Variants in PPP2R2B observed in about 807,000 individuals in gnomAD.
PPP2R2B encodes protein phosphatase 2 regulatory subunit Bbeta, also known as serine/threonine-protein phosphatase 2A 55 kDa regulatory subunit B beta isoform.
In PPP2R2B, 5 loss-of-function variants were observed where a neutral mutation model predicts 46.0. That is an observed-to-expected ratio of 0.11 (90% CI 0.06 to 0.23). PPP2R2B has a LOEUF of 0.23. PPP2R2B is among the 10% of genes least tolerant of loss of function. PPP2R2B has a pLI of 1.00. For synonymous variants in PPP2R2B, 215 were observed against 206.7 expected (o/e 1.04, Z -0.34); for missense variants, 367 against 575.0 (o/e 0.64, Z 3.70).
At chr5:146,597,590 G>A (rs747381440) in intron 8 of PPP2R2B, among the ~76,000 whole-genome samples, 1 of 152,078 alleles carries the variant, frequency 6.6e-6, no homozygotes, top group Non-Finnish European at 1.5e-5. Flanking sequence ...TTGTTTACCT[G>A]TACCAAGCAG....
intron 1 of PPP2R2B, among the ~76,000 whole-genome samples, chr5:146,963,641 T>C (rs1370031712): frequency 6.6e-6 from 1 of 152,188 alleles, no homozygotes; most frequent in Non-Finnish European, 1.5e-5. Context: ...TCATTTTTTT[T>C]CCCATAGATA....
At chr5:146,958,135 C>T (rs934165650) in intron 1 of PPP2R2B, among the ~76,000 whole-genome samples, 5 of 151,966 alleles carry the variant, frequency 3.3e-5, no homozygotes, top group East Asian at 1.9e-4. Flanking sequence ...GATACAGCAA[C>T]GAGCAGACAT....
chr5:146,822,535 G>GTTTT (rs368081191), intron 2 of PPP2R2B, among the ~76,000 whole-genome samples: 6 of 125,290 alleles, frequency 4.8e-5, no homozygotes, highest in African/African-American at 1.8e-4. Context: ...TTCATTTTTG[G>GTTTT]TTTTTTTTTT....
At chr5:146,678,138 C>T (rs181985886) in intron 5 of PPP2R2B, among the ~76,000 whole-genome samples, 263 of 152,210 alleles carry the variant, frequency 1.7e-3, no homozygotes, top group Middle Eastern at 0.01. Flanking sequence ...ATGCAAAAAT[C>T]CTCAATAAAA....
At chr5:146,619,302 TAA>T (rs34725004) in intron 7 of PPP2R2B, among the ~76,000 whole-genome samples, 44 of 112,808 alleles carry the variant, frequency 3.9e-4, no homozygotes, top group South Asian at 2.8e-4. Flanking sequence ...CCGTCTCTAC[TAA>T]AAAAAAAAAA....
At chr5:146,633,984 T>A (rs1357877197) in intron 7 of PPP2R2B, among the ~76,000 whole-genome samples, 1 of 152,244 alleles carries the variant, frequency 6.6e-6, no homozygotes, top group Non-Finnish European at 1.5e-5. Flanking sequence ...GTTCTCTAAC[T>A]AATGCATCTT....
At chr5:147,077,303 CACACACA>C (rs1561616395) in intron 2 of PPP2R2B, among the ~76,000 whole-genome samples, 6 of 146,292 alleles carry the variant, frequency 4.1e-5, no homozygotes, top group African/African-American at 1.6e-4. Flanking sequence ...CACACACACA[CACACACA>C]CCCACACCCA....
intron 2 of PPP2R2B, among the ~76,000 whole-genome samples, chr5:146,865,672 T>C (rs1369883967): frequency 1.3e-5 from 2 of 152,196 alleles, no homozygotes; most frequent in South Asian, 2.1e-4. Flanking sequence ...GGACAGACAC[T>C]GATTAGAAGG....
At chr5:146,670,341 G>GCC (rs1777264633) in intron 5 of PPP2R2B, among the ~76,000 whole-genome samples, 1 of 152,096 alleles carries the variant, frequency 6.6e-6, no homozygotes, top group Non-Finnish European at 1.5e-5. Flanking sequence ...AACTCAGTTG[G>GCC]TCTGAGGTGA....
intron 2 of PPP2R2B, among the ~76,000 whole-genome samples, chr5:146,731,329 T>G (rs1254599979): frequency 1.3e-5 from 2 of 152,224 alleles, no homozygotes; most frequent in Non-Finnish European, 2.9e-5. Context: ...TGCTGCAGCC[T>G]CAGGACTCTG....
chr5:146,895,372 T>C (rs571225574), intron 1 of PPP2R2B, among the ~76,000 whole-genome samples: 1 of 152,358 alleles, frequency 6.6e-6, no homozygotes, highest in African/African-American at 2.4e-5. Flanking sequence ...TCTACATCTA[T>C]GTCTATGAAT....
At chr5:146,873,810 T>A (rs1761746797) in intron 2 of PPP2R2B, among the ~76,000 whole-genome samples, 1 of 152,194 alleles carries the variant, frequency 6.6e-6, no homozygotes, top group South Asian at 2.1e-4. Context: ...TTATCATATG[T>A]CTATCCATTT....
At chr5:146,922,003 G>T (rs750962660) in intron 1 of PPP2R2B, among the ~76,000 whole-genome samples, 8 of 152,190 alleles carry the variant, frequency 5.3e-5, no homozygotes, top group Non-Finnish European at 2.9e-5. Flanking sequence ...TGAGGCAAAT[G>T]AGGCTCAGAG....
chr5:146,835,251 G>GT (rs1469234574), intron 2 of PPP2R2B, among the ~76,000 whole-genome samples: 3 of 151,358 alleles, frequency 2.0e-5, no homozygotes, highest in Non-Finnish European at 4.4e-5. Context: ...GTATTATATT[G>GT]TTTTTTCACT....
intron 4 of PPP2R2B, among the ~76,000 whole-genome samples, chr5:146,697,620 A>G (rs190809827): frequency 2.6e-5 from 4 of 152,320 alleles, no homozygotes; most frequent in African/African-American, 4.8e-5. Flanking sequence ...CAATATGCCA[A>G]CCTCACAGAG....
intron 2 of PPP2R2B, among the ~76,000 whole-genome samples, chr5:146,831,612 T>C (rs1230397537): frequency 4.0e-5 from 6 of 150,780 alleles, no homozygotes; most frequent in Admixed American, 6.6e-5. Context: ...ACCTCGGAAC[T>C]TAAAATAAAA....
chr5:146,855,409 C>A (rs1227545894), intron 2 of PPP2R2B, among the ~76,000 whole-genome samples: 1 of 152,182 alleles, frequency 6.6e-6, no homozygotes, highest in Non-Finnish European at 1.5e-5. Flanking sequence ...CCTTAGGACA[C>A]AAATGCCTCA....
At chr5:146,687,747 T>C (rs1036267987) in intron 5 of PPP2R2B, among the ~76,000 whole-genome samples, 3 of 152,184 alleles carry the variant, frequency 2.0e-5, no homozygotes, top group African/African-American at 7.2e-5. Context: ...CTATCTTCTA[T>C]GAAAGATATA....
At chr5:146,872,192 C>A (rs1761653829) in intron 2 of PPP2R2B, among the ~76,000 whole-genome samples, 1 of 152,170 alleles carries the variant, frequency 6.6e-6, no homozygotes, top group South Asian at 2.1e-4. Flanking sequence ...CTTGGGATTG[C>A]CCCTGGGGAC....
Sources: allele counts gnomAD v4.1 joint callset (sites outside exome capture counted in the v4.1 genomes callset), GRCh38; gene constraint gnomAD v4.1.1; transcripts MANE v1.5; gene names NCBI Gene and HGNC (gene_info 2026-07-23, HGNC 2026-07-21).